The following SEMA6D variants were observed in gnomAD, a reference collection of about 807,000 sequenced individuals.
The protein encoded by SEMA6D is semaphorin 6D, also known as semaphorin-6D.
In SEMA6D, 35 loss-of-function variants were observed where a neutral mutation model predicts 106.6. The ratio of observed to expected loss-of-function variants is 0.33; its 90% CI spans 0.25 to 0.44. The LOEUF is 0.44. Ranked by LOEUF, SEMA6D falls within the 20% of genes least tolerant of loss-of-function variation. SEMA6D has a pLI of 1.00. For missense variants in SEMA6D, 1,185 were observed against 1,345.9 expected, an observed-to-expected ratio of 0.88 and a Z score of 1.87; for synonymous variants, 499 against 487.7, an observed-to-expected ratio of 1.02 and a Z score of -0.31.
At chr15:47,431,734 G>A (rs1466706871) in intron 2 of SEMA6D, among the ~76,000 whole-genome samples, 1 of 152,136 alleles carries the variant, frequency 6.6e-6, no homozygotes, top group African/African-American at 2.4e-5. Flanking sequence ...TGTTTTGAAT[G>A]CCTTCTCTTG....
chr15:47,232,394 A>C (rs2032260055), intron 1 of SEMA6D, among the ~76,000 whole-genome samples: 1 of 151,972 alleles, frequency 6.6e-6, no homozygotes, highest in South Asian at 2.1e-4. Context: ...TGGTAACTCC[A>C]TGTTGAAAGT....
At chr15:47,247,270 T>C (rs1440419015) in intron 1 of SEMA6D, among the ~76,000 whole-genome samples, 1 of 152,150 alleles carries the variant, frequency 6.6e-6, no homozygotes, top group Non-Finnish European at 1.5e-5. Flanking sequence ...ATGGAAGGTA[T>C]TTCATGCAGG....
intron 3 of SEMA6D, among the ~76,000 whole-genome samples, chr15:47,543,366 A>G (rs776183509): frequency 2.0e-5 from 3 of 152,036 alleles, no homozygotes; most frequent in Non-Finnish European, 4.4e-5. Context: ...CATGATAGGG[A>G]ATAAGTATCA....
chr15:47,751,114 A>G (rs939225920), intron 1 of SEMA6D, among the ~76,000 whole-genome samples: 1 of 151,906 alleles, frequency 6.6e-6, no homozygotes, highest in African/African-American at 2.4e-5. Flanking sequence ...GAAGGCCTGC[A>G]ATTCAGTGGA....
At chr15:47,534,227 G>A (rs1339579675) in intron 3 of SEMA6D, among the ~76,000 whole-genome samples, 2 of 152,022 alleles carry the variant, frequency 1.3e-5, no homozygotes, top group Non-Finnish European at 2.9e-5. Context: ...TTATCACCTT[G>A]TCACCCAGGC....
At chr15:47,484,950 G>A (rs954703386) in intron 3 of SEMA6D, among the ~76,000 whole-genome samples, 1 of 152,138 alleles carries the variant, frequency 6.6e-6, no homozygotes, top group Non-Finnish European at 1.5e-5. Flanking sequence ...TTGAAAGGTT[G>A]TTTTTTAAGC....
chr15:47,493,034 G>T (rs1050064031), intron 3 of SEMA6D, among the ~76,000 whole-genome samples: 5 of 152,152 alleles, frequency 3.3e-5, no homozygotes, highest in Non-Finnish European at 7.3e-5. Context: ...TGCTAAGCTG[G>T]AATGAAAGAC....
intron 4 of SEMA6D, among the ~76,000 whole-genome samples, chr15:47,698,247 C>A (rs920323422): frequency 2.8e-4 from 43 of 152,152 alleles, no homozygotes; most frequent in African/African-American, 9.9e-4. Flanking sequence ...GAAATGCAAG[C>A]TGTTATAGAT....
chr15:47,226,725 A>G (rs1425561286), intron 1 of SEMA6D, among the ~76,000 whole-genome samples: 2 of 152,010 alleles, frequency 1.3e-5, no homozygotes. Context: ...CAATCAAGAC[A>G]TATGCCTGCT....
intron 1 of SEMA6D, among the ~76,000 whole-genome samples, chr15:47,335,117 G>A (rs960777298): frequency 6.6e-5 from 10 of 152,052 alleles, no homozygotes; most frequent in Non-Finnish European, 1.3e-4. Flanking sequence ...AAGTTAGTCA[G>A]TATGGGGGAA....
intron 1 of SEMA6D, among the ~76,000 whole-genome samples, chr15:47,351,976 G>T (rs1306074977): frequency 6.6e-6 from 1 of 152,122 alleles, no homozygotes. Context: ...TTTAAAATCT[G>T]TTATCCAGTA....
At chr15:47,470,163 A>C (rs973033173) in intron 2 of SEMA6D, among the ~76,000 whole-genome samples, 1 of 152,200 alleles carries the variant, frequency 6.6e-6, no homozygotes, top group Non-Finnish European at 1.5e-5. Flanking sequence ...ATTGGAAAGG[A>C]AATAACTTTG....
At chr15:47,271,587 T>A (rs367797457) in intron 1 of SEMA6D, among the ~76,000 whole-genome samples, 9 of 152,092 alleles carry the variant, frequency 5.9e-5, no homozygotes, top group African/African-American at 2.2e-4. Context: ...CAAAGAAGGG[T>A]CTGAGAAATA....
intron 1 of SEMA6D, among the ~76,000 whole-genome samples, chr15:47,225,519 G>GTTTT (rs71118160): frequency 1.1e-5 from 1 of 92,384 alleles, no homozygotes; most frequent in African/African-American, 5.9e-5. Context: ...CTTGTTGAGG[G>GTTTT]TTTTTTTTTT....
At chr15:47,513,985 G>A (rs2044310949) in intron 3 of SEMA6D, among the ~76,000 whole-genome samples, 3 of 152,194 alleles carry the variant, frequency 2.0e-5, no homozygotes, top group African/African-American at 7.2e-5. Flanking sequence ...GAGGGATGCA[G>A]CTCCGCCATA....
Position 47,764,958 on chromosome 15 carries a change from T to G in SEMA6D, c.1329T>G (p.Ser443=), listed in dbSNP as rs1567106116. The G allele has an allele frequency of 6.2e-7, 1 of 1,613,996 alleles. No individual in the cohort carries two copies. Among genetic ancestry groups the G allele is most frequent in the African/African-American group, 1.3e-5 (1 of 75,058 alleles). The change falls in exon 13 of 19, where the codon TCT becomes TCG. Residue 443 remains serine (S), a synonymous_variant. Coordinates refer to ENST00000536845, the MANE Select transcript of SEMA6D (RefSeq NM_001358351.3). ...ACTACACAGTCATCTTTGTTGGCTC[T>G]GAAGCTGGCATGGTACTTAAAGTTC... ...YQNYTVIFVG[S]EAGMVLKVLA... is the part of the protein sequence containing the mutation.
chr15:47,328,441 A>T lies in SEMA6D; in HGVS notation c.-238-83952A>T, dbSNP rs1285519721. Among the ~76,000 whole-genome samples the T allele has an allele frequency of 5.3e-5, 8 of 152,354 alleles. No homozygotes were observed. In the East Asian group the frequency reaches 1.2e-3, roughly 22 times the overall value. On this transcript the variant is annotated intron_variant, in intron 1 of 19. Transcript: ENST00000558014. ...CAGTTAACTAGACATTACAGAAAAG[A>T]CAAAGCTTTCTTTAGTACAGATCAA...
At chr15:47,660,912 T>G (rs897846145) in intron 4 of SEMA6D, among the ~76,000 whole-genome samples, 1 of 152,168 alleles carries the variant, frequency 6.6e-6, no homozygotes, top group African/African-American at 2.4e-5. Flanking sequence ...TTAATAAAGT[T>G]AGGTTTTGGA....
At chr15:47,697,228 G>T (rs1486880783) in intron 4 of SEMA6D, among the ~76,000 whole-genome samples, 1 of 152,142 alleles carries the variant, frequency 6.6e-6, no homozygotes, top group Non-Finnish European at 1.5e-5. Context: ...GAGCAGGATG[G>T]AGGGCCCTGA....
Sources: allele counts gnomAD v4.1 joint callset (sites outside exome capture counted in the v4.1 genomes callset), GRCh38; gene constraint gnomAD v4.1.1; transcripts MANE v1.5; gene names NCBI Gene and HGNC (gene_info 2026-07-23, HGNC 2026-07-21).